Variants in PTPRU observed in about 807,000 individuals in gnomAD.
The protein encoded by PTPRU is protein tyrosine phosphatase receptor type U, also known as receptor-type tyrosine-protein phosphatase U.
PTPRU carries 69 observed loss-of-function variants against 166.3 expected under a neutral mutation model. The observed-to-expected ratio is 0.41, with a 90% CI of 0.34 to 0.51. PTPRU has a LOEUF of 0.51. PTPRU is among the 20% of genes least tolerant of loss of function. The pLI, the probability that PTPRU is intolerant of heterozygous loss-of-function variation, is 0.09. For missense variants in PTPRU, 1,657 were observed against 2,013.7 expected (o/e 0.82, Z 3.39); for synonymous variants, 793 against 814.0 (o/e 0.97, Z 0.44).
intron 1 of PTPRU, among the ~76,000 whole-genome samples, chr1:29,254,164 G>A (rs1684672840): frequency 6.6e-6 from 1 of 152,198 alleles, no homozygotes; most frequent in Non-Finnish European, 1.5e-5. Flanking sequence ...GTTTGCGCTT[G>A]CTTCCTCGCC....
chr1:29,283,017 T>G, intron 12 of PTPRU, 68 bp downstream of exon 12: 1 of 1,577,322 alleles, frequency 6.3e-7, no homozygotes, highest in East Asian at 2.2e-5. Flanking sequence ...GGAGATACCT[T>G]GGAGCAGGCC....
chr1:29,317,777 CGTG>C lies in PTPRU; in HGVS notation c.3545_3547del (p.Val1182del). 1 of 1,611,872 alleles carries C rather than the reference CGTG, an allele frequency of 6.2e-7. No individual in the cohort carries two copies. ...TGAACTCGGTCACCCCGCCGCTGGA[CGTG>C]GAGGAGTGCAGCATCGCCCTGTTGC... On this transcript the variant is annotated inframe_deletion, in exon 25 of 30. Coordinates refer to ENST00000373779, the MANE Select transcript of PTPRU (RefSeq NM_133178.4). This position sits in a 1 kb window ranked among gnomAD's most constrained non-coding sequence, Gnocchi z 5.6.
At chr1:29,285,146 A>G (rs1426603251) in intron 14 of PTPRU, among the ~76,000 whole-genome samples, 6 of 152,156 alleles carry the variant, frequency 3.9e-5, no homozygotes, top group Admixed American at 2.0e-4. Flanking sequence ...CCTGGTGCCA[A>G]GGAGCTATGC....
chr1:29,292,190 C>T (rs1357243766), intron 15 of PTPRU, among the ~76,000 whole-genome samples, 164 bp downstream of exon 15: 5 of 152,150 alleles, frequency 3.3e-5, no homozygotes, highest in South Asian at 2.1e-4. Context: ...GCACAGGTGG[C>T]GTTTTTGCAT....
rs1339208107 is a variant in PTPRU at position 29,317,052 on chromosome 1, G to T, written c.3514-696G>T. ...GGGGACCTGGCACTTCTCACAGGAG[G>T]TGCAGGGTTCCCGGAGGAGGGTGTC... On this transcript the variant is annotated intron_variant, in intron 24 of 29. Transcript: ENST00000373779. This position sits in a 1 kb window ranked among gnomAD's most constrained non-coding sequence, Gnocchi z 5.6. Among the ~76,000 whole-genome samples, 3 of 152,164 alleles carry T rather than the reference G, an allele frequency of 2.0e-5. No individual in the cohort carries two copies. Among genetic ancestry groups the T allele is most frequent in the Admixed American group, 6.5e-5 (1 of 15,284 alleles).
chr1:29,281,493 G>T (rs2151953459), intron 11 of PTPRU, among the ~76,000 whole-genome samples: 1 of 152,246 alleles, frequency 6.6e-6, no homozygotes, highest in East Asian at 1.9e-4. Flanking sequence ...GAGGGGAGCG[G>T]CAAGATGGCT....
intron 21 of PTPRU, among the ~76,000 whole-genome samples, chr1:29,312,038 G>A (rs774466458): frequency 2.0e-5 from 3 of 152,206 alleles, no homozygotes; most frequent in Non-Finnish European, 4.4e-5. Flanking sequence ...TATAAATATT[G>A]TTTCAGTCCT....
intron 21 of PTPRU, among the ~76,000 whole-genome samples, chr1:29,312,175 G>A (rs144787063): frequency 1.4e-4 from 22 of 152,318 alleles, no homozygotes; most frequent in African/African-American, 4.8e-4. Flanking sequence ...GATCTGCTCT[G>A]TAAAGTCCTC....
At chr1:29,252,454 G>C (rs565528625) in intron 1 of PTPRU, among the ~76,000 whole-genome samples, 1 of 152,144 alleles carries the variant, frequency 6.6e-6, no homozygotes, top group South Asian at 2.1e-4. Context: ...TTTTAGTAGA[G>C]ATGGGGTTTC....
In PTPRU at chr1:29,316,054, A is replaced by T; in HGVS notation, c.3416A>T (p.Glu1139Val). Residue 1139 changes from glutamate (E) to valine (V), a missense_variant, in exon 24 of 30, where the codon GAG becomes GTG. By Grantham distance (121) the Glu-to-Val change is moderately radical. This residue lies in a region of PTPRU where 1,190 missense variants were observed against 1,477.4 expected (regional missense o/e 0.81). Transcript: ENST00000373779. ...ATCCTGGAGGCCTGCCTGTGTGGGG[A>T]GACCACCATCCCTGTCAGTGAGTTC... ...DAILEACLCG[E>V]TTIPVSEFKA... 3 of 1,614,022 alleles carry T rather than the reference A, an allele frequency of 1.9e-6. No individual in the cohort carries two copies. The highest frequency in any genetic ancestry group is 2.5e-6 in the Non-Finnish European group (3 of 1,179,930).
At chr1:29,292,088 G>A in intron 15 of PTPRU, 62 bp downstream of exon 15, 6 of 1,587,598 alleles carry the variant, frequency 3.8e-6, no homozygotes, top group Non-Finnish European at 3.4e-6. Flanking sequence ...TGAGACAATA[G>A]GGTCCCCACA....
intron 8 of PTPRU, among the ~76,000 whole-genome samples, chr1:29,276,032 T>C (rs559326333): frequency 6.6e-6 from 1 of 152,328 alleles, no homozygotes; most frequent in South Asian, 2.1e-4. Flanking sequence ...AATTTTAGTT[T>C]TTAAAATAGA....
In PTPRU at chr1:29,259,913, T is replaced by C; in HGVS notation, c.719T>C (p.Ile240Thr). 1 of 1,532,202 alleles carries C rather than the reference T, an allele frequency of 6.5e-7. No homozygotes were observed. Among genetic ancestry groups the C allele is most frequent in the South Asian group, 1.2e-5 (1 of 83,722 alleles). 94.9% of individuals were successfully genotyped at this position (1,532,202 alleles called of 1,614,324 possible). The change falls in exon 6 of 30, where the codon ATC (isoleucine) becomes ACC (threonine). Residue 240 changes from isoleucine (I) to threonine (T), a missense_variant. By Grantham distance (89) the Ile-to-Thr change is moderately conservative. Transcript: ENST00000373779. The part of the protein sequence containing the change: ...ALVPAAGVRH[I>T]SHRRFLATFP... ...GTGCCGGCGGCGGGCGTGCGGCACA[T>C]CAGCCACCGGCGCTTCCTGGCCACT...
At chr1:29,247,218 C>G (rs139516179) in intron 1 of PTPRU, among the ~76,000 whole-genome samples, 63 of 152,386 alleles carry the variant, frequency 4.1e-4, no homozygotes, top group African/African-American at 1.3e-3. Context: ...TCACGTAGCA[C>G]TGGGTGCCAG....
At chr1:29,324,142 C>CT (rs1287520399) in intron 28 of PTPRU, among the ~76,000 whole-genome samples, 1 of 152,216 alleles carries the variant, frequency 6.6e-6, no homozygotes, top group East Asian at 1.9e-4. Flanking sequence ...ACACATGTGA[C>CT]TTTTTCCATC....
In PTPRU at chr1:29,257,553, T is replaced by C. The variant is rs1159725803; in HGVS notation, c.206-952T>C. Among the ~76,000 whole-genome samples the C allele has an allele frequency of 2.0e-5, 3 of 152,138 alleles. No individual in the cohort carries two copies. Among genetic ancestry groups the C allele is most frequent in the Non-Finnish European group, 4.4e-5 (3 of 67,990 alleles). The stretch of plus-strand genomic sequence containing the variant: ...GCCTAGTCCACTTCTACTCCACCAG[T>C]ACCCAGCCTGGGTCTCTGGGGAAGG... On this transcript the variant is annotated intron_variant, in intron 2 of 29. Transcript: ENST00000373779. This position sits in a 1 kb window ranked among gnomAD's most constrained non-coding sequence, Gnocchi z 4.6.
rs796477075 is a variant in PTPRU, at chr1:29,325,074, T to C, written c.4113-117T>C. 106 of 1,379,896 alleles carry C rather than the reference T, an allele frequency of 7.7e-5. 1 individual carries two copies. In the African/African-American group the frequency reaches 1.3e-3, roughly 17 times the overall value. The allele number at this position is 1,379,896 out of a possible 1,614,324, so 85.5% of individuals were successfully genotyped here. On this transcript the variant is annotated intron_variant, in intron 28 of 29. Transcript: ENST00000373779. Reference sequence around the variant, plus strand: ...GGGCTCTCTGCCCCACCCTTCTAGATTCCCTAGCTCCGTCCCTCTCCTCTA... The same window carrying C: ...GGGCTCTCTGCCCCACCCTTCTAGACTCCCTAGCTCCGTCCCTCTCCTCTA...
intron 18 of PTPRU, among the ~76,000 whole-genome samples, chr1:29,308,305 G>C (rs1178498801): frequency 6.8e-6 from 1 of 146,806 alleles, no homozygotes; most frequent in African/African-American, 2.5e-5. Context: ...TTTTTTAAGA[G>C]ATGGGGTCTT....
intron 4 of PTPRU, 24 bp downstream of exon 4, chr1:29,259,366 G>A (rs199520346): frequency 2.2e-5 from 36 of 1,612,660 alleles, no homozygotes; most frequent in Non-Finnish European, 3.1e-5. Flanking sequence ...CACTGGGGGC[G>A]CAGGGGTAAG....
Sources: gnomAD v4.1 joint callset for allele counts (sites outside exome capture counted in the v4.1 genomes callset) on GRCh38, gnomAD v4.1.1 for gene constraint, gnomAD v4.1.1 regional missense constraint, Gnocchi (gnomAD v3.1) non-coding constraint, MANE v1.5 for transcripts, NCBI Gene and HGNC (gene_info 2026-07-23, HGNC 2026-07-21) for gene names.